Variants in METAP1D observed in about 807,000 individuals in gnomAD.
METAP1D encodes methionine aminopeptidase 1D, mitochondrial.
A neutral mutation model predicts 40.5 loss-of-function variants in METAP1D; 31 were observed. The ratio of observed to expected loss-of-function variants is 0.77; its 90% CI spans 0.58 to 1.03. The LOEUF is 1.03. METAP1D is among the 50% of genes least tolerant of loss of function. The pLI, the probability that METAP1D is intolerant of heterozygous loss-of-function variation, is 0.00. For missense variants in METAP1D, 411 were observed against 420.7 expected (o/e 0.98, Z 0.20); for synonymous variants, 151 against 146.4 (o/e 1.03, Z -0.22).
intron 2 of METAP1D, among the ~76,000 whole-genome samples, chr2:172,063,085 T>G (rs925688221): frequency 6.6e-6 from 1 of 152,106 alleles, no homozygotes; most frequent in Admixed American, 6.5e-5. Context: ...AGTTTTGGGG[T>G]GGCTTTTTGT....
At chr2:172,013,236 C>T (rs967170409) in intron 1 of METAP1D, among the ~76,000 whole-genome samples, 1 of 152,190 alleles carries the variant, frequency 6.6e-6, no homozygotes, top group African/African-American at 2.4e-5. Flanking sequence ...TCCCCGGCTT[C>T]GTTGGCCCCA....
intron 1 of METAP1D, among the ~76,000 whole-genome samples, chr2:172,057,278 C>A (rs1339600576): frequency 6.6e-6 from 1 of 152,108 alleles, no homozygotes; most frequent in South Asian, 2.1e-4. Context: ...AAATTTTAAC[C>A]ACTGTTATTA....
chr2:172,033,558 G>A (rs371670834), intron 1 of METAP1D, among the ~76,000 whole-genome samples: 1 of 151,814 alleles, frequency 6.6e-6, no homozygotes, highest in Admixed American at 6.6e-5. Flanking sequence ...GTTTCACTAC[G>A]TTGGCCAGGC....
intron 1 of METAP1D, among the ~76,000 whole-genome samples, chr2:172,049,498 C>G (rs1689841642): frequency 6.6e-6 from 1 of 151,946 alleles, no homozygotes; most frequent in East Asian, 1.9e-4. Flanking sequence ...TGGAGCTCCC[C>G]TTTTAAGCCT....
chr2:172,019,048 T>A (rs1688945385), intron 1 of METAP1D, among the ~76,000 whole-genome samples: 1 of 151,960 alleles, frequency 6.6e-6, no homozygotes, highest in Admixed American at 6.6e-5. Flanking sequence ...AAAAGACAAA[T>A]ACCAAACAAA....
chr2:172,025,590 A>T (rs1689104541), intron 1 of METAP1D, among the ~76,000 whole-genome samples: 1 of 152,192 alleles, frequency 6.6e-6, no homozygotes, highest in Non-Finnish European at 1.5e-5. Flanking sequence ...TCAGCCTCCC[A>T]GGGCTTCCAA....
chr2:172,020,951 ATAAT>A (rs1359404547), intron 1 of METAP1D, among the ~76,000 whole-genome samples: 1 of 152,174 alleles, frequency 6.6e-6, no homozygotes, highest in African/African-American at 2.4e-5. Context: ...TAGGAATGAA[ATAAT>A]TTAGTGGCTC....
At chr2:172,062,037 T>C (rs1690153997) in intron 2 of METAP1D, 1 of 153,416 alleles carries the variant, frequency 6.5e-6, no homozygotes, top group African/African-American at 2.4e-5. Flanking sequence ...TACTAGATTT[T>C]TTTAAGCCTG....
At chr2:172,070,346 A>T (rs1410252815) in intron 5 of METAP1D, among the ~76,000 whole-genome samples, 2 of 152,192 alleles carry the variant, frequency 1.3e-5, no homozygotes, top group Non-Finnish European at 2.9e-5. Context: ...TTTCTGTAAC[A>T]CATTTCATTC....
chr2:172,057,240 A>C (rs944656346), intron 1 of METAP1D, among the ~76,000 whole-genome samples: 1 of 152,240 alleles, frequency 6.6e-6, no homozygotes, highest in African/African-American at 2.4e-5. Context: ...TAGAGCACCT[A>C]GCACTGAGCT....
chr2:172,003,487 G>C (rs1414522968), intron 1 of METAP1D, among the ~76,000 whole-genome samples: 1 of 152,138 alleles, frequency 6.6e-6, no homozygotes, highest in African/African-American at 2.4e-5. Context: ...TTGGATCATG[G>C]GGATAGTTTC....
rs57656367 is a variant in METAP1D at position 172,059,059 on chromosome 2, G to A, written c.41-2439G>A. 0.037 allele frequency among the ~76,000 whole-genome samples: 5,651 copies of A among 151,900 alleles called. 614 individuals carry two copies. In the East Asian group the frequency reaches 0.45, roughly 12 times the overall value. On this transcript the variant is annotated intron_variant, in intron 1 of 9. Transcript: ENST00000315796. Reference sequence around the variant, plus strand: ...CCATCACCAGTTTCTATGTTTGTAGGTCGATACGGGGCCCAAGAATTTGCA... The same window carrying A: ...CCATCACCAGTTTCTATGTTTGTAGATCGATACGGGGCCCAAGAATTTGCA...
At chr2:172,017,373 G>GTATATA (rs1688897396) in intron 1 of METAP1D, among the ~76,000 whole-genome samples, 1 of 146,634 alleles carries the variant, frequency 6.8e-6, no homozygotes, top group African/African-American at 2.5e-5. Flanking sequence ...GTATATATAT[G>GTATATA]TGTATATATA....
intron 1 of METAP1D, among the ~76,000 whole-genome samples, chr2:172,042,206 TATGTATGTGTACATGTGTACAC>T (rs1270321516): frequency 0.13 from 7,927 of 62,510 alleles, 3,061 homozygotes; most frequent in South Asian, 0.31. Context: ...CACATATACA[TATGTATGTGTACATGTGTACAC>T]ATATACATAT....
chr2:172,035,164 T>G (rs1689343356), intron 1 of METAP1D, among the ~76,000 whole-genome samples: 1 of 151,896 alleles, frequency 6.6e-6, no homozygotes. Context: ...TTTTGTTTGT[T>G]TGTTTGTTTG....
intron 1 of METAP1D, among the ~76,000 whole-genome samples, chr2:172,030,159 G>A (rs7580363): frequency 0.26 from 39,146 of 149,722 alleles, 5,878 homozygotes; most frequent in Middle Eastern, 0.41. Flanking sequence ...GTGTGATCTC[G>A]GCTCACCACA....
intron 1 of METAP1D, among the ~76,000 whole-genome samples, chr2:172,029,244 T>C (rs1689187485): frequency 6.6e-6 from 1 of 152,128 alleles, no homozygotes; most frequent in South Asian, 2.1e-4. Flanking sequence ...CTGTCTCTAC[T>C]AAAAATAGAA....
At chr2:172,034,292 T>A (rs1202558897) in intron 1 of METAP1D, among the ~76,000 whole-genome samples, 2 of 152,142 alleles carry the variant, frequency 1.3e-5, no homozygotes, top group African/African-American at 4.8e-5. Flanking sequence ...TTGTGTGTTT[T>A]TGAAATTTTC....
intron 8 of METAP1D, among the ~76,000 whole-genome samples, 174 bp from the exon 9 acceptor site, chr2:172,079,954 A>G (rs1014820032): frequency 1.3e-5 from 2 of 152,184 alleles, no homozygotes; most frequent in African/African-American, 4.8e-5. Context: ...TTTAGTTTGT[A>G]GTATACTATG....
Sources: allele counts gnomAD v4.1 joint callset (sites outside exome capture counted in the v4.1 genomes callset), GRCh38; gene constraint gnomAD v4.1.1; transcripts MANE v1.5; gene names NCBI Gene and HGNC (gene_info 2026-07-23, HGNC 2026-07-21).